Variants in BMPER observed in about 807,000 individuals in gnomAD.
The protein encoded by BMPER is BMP binding endothelial regulator.
BMPER carries 45 observed loss-of-function variants against 87.3 expected under a neutral mutation model. That is an observed-to-expected ratio of 0.52 (90% CI 0.41 to 0.66). The LOEUF is 0.66. Among genes scored for constraint, BMPER ranks in the 30% least tolerant of loss-of-function variants. The pLI is 0.00. For synonymous variants in BMPER, 326 were observed against 316.2 expected (o/e 1.03, Z -0.33); for missense variants, 784 against 867.5 (o/e 0.90, Z 1.21).
intron 2 of BMPER, among the ~76,000 whole-genome samples, chr7:33,932,045 A>G (rs1398974118): frequency 6.6e-6 from 1 of 152,160 alleles, no homozygotes. Flanking sequence ...TCCCTCCCGC[A>G]GCACTGAGTA....
chr7:34,108,073 A>C (rs1203622979), intron 13 of BMPER, among the ~76,000 whole-genome samples: 1 of 152,252 alleles, frequency 6.6e-6, no homozygotes, highest in East Asian at 1.9e-4. Flanking sequence ...AAACAAATAA[A>C]TACCTTTTCA....
At chr7:34,152,313 A>G (rs1239858797) in intron 14 of BMPER, among the ~76,000 whole-genome samples, 1 of 152,184 alleles carries the variant, frequency 6.6e-6, no homozygotes, top group Non-Finnish European at 1.5e-5. Context: ...GGCCCCTTCA[A>G]CTGTCACTGG....
intron 3 of BMPER, among the ~76,000 whole-genome samples, chr7:33,951,370 T>C (rs907804297): frequency 2.0e-5 from 3 of 152,142 alleles, no homozygotes; most frequent in African/African-American, 4.8e-5. Context: ...TCTGTTTCTC[T>C]CAATGTTTTA....
chr7:33,929,879 C>G (rs1242029206), intron 2 of BMPER, among the ~76,000 whole-genome samples: 1 of 152,228 alleles, frequency 6.6e-6, no homozygotes, highest in Non-Finnish European at 1.5e-5. Context: ...CTTAATAGTT[C>G]AGCAACCTGC....
intron 13 of BMPER, among the ~76,000 whole-genome samples, chr7:34,096,699 C>T (rs924070580): frequency 2.0e-5 from 3 of 151,390 alleles, no homozygotes; most frequent in Non-Finnish European, 2.9e-5. Flanking sequence ...GAAGTGTACA[C>T]ATTAAAAAAA....
At chr7:34,103,873 C>T (rs1277993385) in intron 13 of BMPER, among the ~76,000 whole-genome samples, 1 of 152,172 alleles carries the variant, frequency 6.6e-6, no homozygotes, top group Non-Finnish European at 1.5e-5. Context: ...GTGCAAGGGC[C>T]ACCTGTGAAG....
intron 6 of BMPER, among the ~76,000 whole-genome samples, chr7:33,992,527 G>C (rs1585714365): frequency 6.7e-6 from 1 of 148,512 alleles, no homozygotes; most frequent in Non-Finnish European, 1.5e-5. Flanking sequence ...ACGTGAGATG[G>C]GTTTCCTGAA....
chr7:34,011,265 G>A (rs1429301534), intron 6 of BMPER, among the ~76,000 whole-genome samples: 1 of 151,808 alleles, frequency 6.6e-6, no homozygotes, highest in African/African-American at 2.4e-5. Flanking sequence ...GGTCTGGGGT[G>A]AGGCCCGAGA....
At chr7:33,912,273 A>G (rs1476864953) in intron 2 of BMPER, among the ~76,000 whole-genome samples, 1 of 152,158 alleles carries the variant, frequency 6.6e-6, no homozygotes, top group Non-Finnish European at 1.5e-5. Context: ...GGAGCACTGT[A>G]ATTCTGGAAA....
chr7:33,966,235 C>A (rs1036832161), intron 3 of BMPER, among the ~76,000 whole-genome samples: 3 of 152,104 alleles, frequency 2.0e-5, no homozygotes, highest in Admixed American at 6.5e-5. Context: ...CAATCTATGG[C>A]TTTGCACTTG....
chr7:34,011,195 A>T (rs1446296818), intron 6 of BMPER, among the ~76,000 whole-genome samples: 1 of 151,798 alleles, frequency 6.6e-6, no homozygotes, highest in Middle Eastern at 3.2e-3. Context: ...TACTTCTTAG[A>T]CTATAATGTG....
At chr7:34,125,725 C>A (rs1790384775) in intron 13 of BMPER, among the ~76,000 whole-genome samples, 1 of 152,150 alleles carries the variant, frequency 6.6e-6, no homozygotes, top group Admixed American at 6.5e-5. Flanking sequence ...TGATTATGCT[C>A]CTTTGCAAGG....
intron 1 of BMPER, 88 bp downstream of exon 1, chr7:33,905,834 G>T: frequency 8.1e-7 from 1 of 1,228,758 alleles, no homozygotes; most frequent in South Asian, 1.2e-5. Flanking sequence ...GGGGATGGGA[G>T]GGTGGGGAGC....
chr7:34,062,158 A>G, intron 11 of BMPER, 111 bp downstream of exon 11: 1 of 987,448 alleles, frequency 1.0e-6, no homozygotes, highest in East Asian at 2.6e-5. Flanking sequence ...GTAGGTATAT[A>G]TAGGATGGGA....
At chr7:33,924,494 G>T (rs1585641082) in intron 2 of BMPER, among the ~76,000 whole-genome samples, 2 of 152,276 alleles carry the variant, frequency 1.3e-5, no homozygotes, top group East Asian at 3.9e-4. Flanking sequence ...TGCTCCAGCT[G>T]CGCGCTGTGC....
At chr7:34,105,945 C>A (rs755474615) in intron 13 of BMPER, among the ~76,000 whole-genome samples, 7 of 152,174 alleles carry the variant, frequency 4.6e-5, no homozygotes, top group Non-Finnish European at 8.8e-5. Context: ...CCTTAAGTGT[C>A]CCAGCCCCCA....
At chr7:34,095,894 C>A (rs1350319366) in intron 13 of BMPER, among the ~76,000 whole-genome samples, 1 of 152,094 alleles carries the variant, frequency 6.6e-6, no homozygotes, top group East Asian at 1.9e-4. Flanking sequence ...GTGACAGTGG[C>A]CATTGGCAAA....
intron 2 of BMPER, among the ~76,000 whole-genome samples, chr7:33,907,167 G>C (rs1048265369): frequency 6.6e-6 from 1 of 151,958 alleles, no homozygotes; most frequent in Non-Finnish European, 1.5e-5. Context: ...TGACGTCTCG[G>C]TGAAATGACA....
chr7:33,974,423 C>T (rs1411946040), intron 5 of BMPER, among the ~76,000 whole-genome samples: 2 of 152,096 alleles, frequency 1.3e-5, no homozygotes, highest in Non-Finnish European at 2.9e-5. Context: ...ATGCAGCTCC[C>T]GGACCCCAAG....
Sources: allele counts gnomAD v4.1 joint callset (sites outside exome capture counted in the v4.1 genomes callset), GRCh38; gene constraint gnomAD v4.1.1; transcripts MANE v1.5; gene names NCBI Gene and HGNC (gene_info 2026-07-23, HGNC 2026-07-21).